The following TLE1 variants were observed in gnomAD, a reference collection of about 807,000 sequenced individuals.
The protein encoded by TLE1 is TLE family member 1, transcriptional corepressor.
TLE1 carries 21 observed loss-of-function variants against 89.8 expected under a neutral mutation model. The ratio of observed to expected loss-of-function variants is 0.23; its 90% CI spans 0.17 to 0.34. The LOEUF (loss-of-function observed/expected upper bound fraction) is 0.34, where lower values mean the gene tolerates loss of function less well. Among genes scored for constraint, TLE1 ranks in the 10% least tolerant of loss-of-function variants. The probability of loss-of-function intolerance (pLI) is 1.00; values close to 1 mark genes in which losing one functional copy is unlikely to be tolerated. For synonymous variants in TLE1, 447 were observed against 407.6 expected (o/e 1.10, Z -1.16); for missense variants, 795 against 1,031.2 (o/e 0.77, Z 3.14).
chr9:81,596,333 G>A (rs925572055), intron 14 of TLE1, among the ~76,000 whole-genome samples: 5 of 152,126 alleles, frequency 3.3e-5, no homozygotes, highest in Non-Finnish European at 5.9e-5. Flanking sequence ...CAGTCACAGG[G>A]GGCCTCGCAG....
At position 81,584,270 on chromosome 9, in the gene TLE1, G is replaced by T. The variant is rs139183942; in HGVS notation, c.2241C>A (p.Ile747=). 105 of 1,614,064 alleles carry T rather than the reference G, an allele frequency of 6.5e-5. No individual in the cohort carries two copies. The South Asian group carries it at 8.7e-4, about 13-fold the overall frequency. ...KESSSVLSCD[I]SVDDKYIVTG... Reference sequence around the variant, plus strand: ...TGACTATGTACTTATCATCCACAGAGATGTCACAGCTAAGCACTGACGAGG... The same window carrying T: ...TGACTATGTACTTATCATCCACAGATATGTCACAGCTAAGCACTGACGAGG... The change falls in exon 20 of 20, where the codon ATC becomes ATA. Residue 747 remains isoleucine, a synonymous_variant. Transcript: ENST00000376499.
chr9:81,644,408 A>G (rs1351645769), intron 6 of TLE1, among the ~76,000 whole-genome samples: 2 of 152,226 alleles, frequency 1.3e-5, no homozygotes, highest in Non-Finnish European at 2.9e-5. Context: ...AATACTGGTG[A>G]TACGACAACA....
chr9:81,630,639 T>C (rs1261865702), intron 8 of TLE1, among the ~76,000 whole-genome samples: 2 of 152,196 alleles, frequency 1.3e-5, no homozygotes, highest in Non-Finnish European at 2.9e-5. Flanking sequence ...TGAAAATCAC[T>C]GGCCTGTAGC....
In TLE1 at chr9:81,590,857, A is replaced by C; in HGVS notation, c.1777T>G (p.Cys593Gly). ...CACACAGCGATGTTGCCGTCGCTGC[A>C]GCATGAGAAGCAGACCTTGGAATCG... ...SPDSKVCFSC[C>G]SDGNIAVWDL... Residue 593 changes from cysteine (C) to glycine (G), a missense_variant, in exon 16 of 20, where the codon TGC (cysteine) becomes GGC (glycine). Around this residue, in one of 4 missense-constraint regions of TLE1, gnomAD observed 214 missense variants for 354.9 expected, o/e 0.60. Transcript: ENST00000376499. 1 of 1,614,260 alleles carries C rather than the reference A, an allele frequency of 6.2e-7. No homozygotes were observed. The highest frequency in any genetic ancestry group is 8.5e-7 in the Non-Finnish European group (1 of 1,180,050).
At chr9:81,586,874 A>G (rs1334255249) in intron 17 of TLE1, among the ~76,000 whole-genome samples, 2 of 152,098 alleles carry the variant, frequency 1.3e-5, no homozygotes, top group Non-Finnish European at 2.9e-5. Context: ...ACAAAATGTT[A>G]ACAGGAATAT....
In TLE1 at chr9:81,584,469, G is replaced by C; in HGVS notation, c.2184C>G (p.Pro728=). ...TCACCTGGAATATGCTGGCTCCATA[G>C]GGGGTCCGCCAAGCATTGAGGAGGT... ...KDNLLNAWRT[P]YGASIFQSKE... The change falls in exon 19 of 20, where the codon CCC becomes CCG. Residue 728 remains proline (P), a synonymous_variant. Transcript: ENST00000376499. 1 of 1,614,174 alleles carries C rather than the reference G, an allele frequency of 6.2e-7. No individual in the cohort carries two copies. The highest frequency in any genetic ancestry group is 1.1e-5 in the South Asian group (1 of 91,074).
chr9:81,664,878 G>A (rs1253), intron 4 of TLE1, among the ~76,000 whole-genome samples: 141,165 of 152,210 alleles, frequency 0.93, 65,528 homozygotes, highest in African/African-American at 0.97. Context: ...GAGAATATTC[G>A]TTTCTAACAA....
chr9:81,599,644 A>G (rs1830662244), intron 14 of TLE1, among the ~76,000 whole-genome samples: 1 of 152,150 alleles, frequency 6.6e-6, no homozygotes, highest in Non-Finnish European at 1.5e-5. Context: ...TATGGGTAAA[A>G]CCTTCCTCTG....
intron 16 of TLE1, among the ~76,000 whole-genome samples, chr9:81,590,063 C>T (rs1485487279): frequency 6.6e-6 from 1 of 152,222 alleles, no homozygotes; most frequent in African/African-American, 2.4e-5. Context: ...TCCGCAGGGA[C>T]GGCTTCCCAG....
At chr9:81,643,277 C>T (rs146298631) in intron 6 of TLE1, among the ~76,000 whole-genome samples, 4 of 151,878 alleles carry the variant, frequency 2.6e-5, no homozygotes, top group African/African-American at 9.7e-5. Flanking sequence ...GCTCTCGTTG[C>T]CCAGGCTGGA....
chr9:81,668,298 C>A (rs930946201), intron 4 of TLE1, among the ~76,000 whole-genome samples: 2 of 152,104 alleles, frequency 1.3e-5, no homozygotes, highest in African/African-American at 2.4e-5. Context: ...GTTTTATTTT[C>A]TCAAAAGCAT....
At chr9:81,658,058 G>A (rs888890284) in intron 4 of TLE1, among the ~76,000 whole-genome samples, 5 of 151,172 alleles carry the variant, frequency 3.3e-5, no homozygotes, top group East Asian at 1.9e-4. Flanking sequence ...TTACAGGCAC[G>A]TGCCACCATG....
At chr9:81,620,124 C>T (rs534722564) in intron 9 of TLE1, among the ~76,000 whole-genome samples, 67 of 151,788 alleles carry the variant, frequency 4.4e-4, no homozygotes, top group African/African-American at 1.5e-3. Context: ...GAGCATTACA[C>T]CAAGGGAGGC....
chr9:81,586,845 C>G (rs1170213392), intron 17 of TLE1, among the ~76,000 whole-genome samples: 1 of 151,948 alleles, frequency 6.6e-6, no homozygotes, highest in Non-Finnish European at 1.5e-5. Flanking sequence ...GTGAAAACAG[C>G]AAGACTCTAA....
intron 4 of TLE1, among the ~76,000 whole-genome samples, chr9:81,657,352 A>ACT (rs1181213184): frequency 3.3e-5 from 5 of 152,212 alleles, no homozygotes; most frequent in African/African-American, 1.2e-4. Flanking sequence ...TTAGGTAAAG[A>ACT]TTAGAACACA....
chr9:81,587,568 G>A (rs1828696747), intron 17 of TLE1, 113 bp downstream of exon 17: 1 of 1,360,144 alleles, frequency 7.4e-7, no homozygotes, highest in African/African-American at 1.5e-5. Flanking sequence ...ATTCAGCCCT[G>A]ATCTGTTTGT....
At chr9:81,662,866 G>A (rs1830991497) in intron 4 of TLE1, among the ~76,000 whole-genome samples, 2 of 151,738 alleles carry the variant, frequency 1.3e-5, no homozygotes, top group African/African-American at 2.4e-5. Context: ...TTGTTGTTTT[G>A]AGACAGGGTC....
intron 8 of TLE1, among the ~76,000 whole-genome samples, chr9:81,631,103 T>G (rs1826535593): frequency 1.3e-5 from 2 of 152,196 alleles, no homozygotes; most frequent in Admixed American, 1.3e-4. Context: ...CCAAAACACA[T>G]AAATCCACAT....
intron 4 of TLE1, among the ~76,000 whole-genome samples, chr9:81,663,537 G>A (rs1831080614): frequency 6.6e-6 from 1 of 152,104 alleles, no homozygotes; most frequent in African/African-American, 2.4e-5. Context: ...AGCCAACAAA[G>A]GGACTACAGA....
Sources: allele counts gnomAD v4.1 joint callset (sites outside exome capture counted in the v4.1 genomes callset), GRCh38; gene constraint gnomAD v4.1.1; regional missense constraint gnomAD v4.1.1; transcripts MANE v1.5; gene names NCBI Gene and HGNC (gene_info 2026-07-23, HGNC 2026-07-21).